CRACR2A: variants seen among roughly 807,000 people sequenced by gnomAD.
CRACR2A encodes calcium release activated channel regulator 2A, also known as EF-hand calcium-binding domain-containing protein 4B.
Under a neutral mutation model 90.5 loss-of-function variants are expected in CRACR2A, and 79 were observed. That is an observed-to-expected ratio of 0.87 (90% confidence interval 0.73 to 1.05). The LOEUF (loss-of-function observed/expected upper bound fraction) is 1.05, where lower values mean the gene tolerates loss of function less well. CRACR2A is among the 50% of genes least tolerant of loss of function. The pLI is 0.00. For missense variants in CRACR2A, 823 were observed against 897.2 expected (o/e 0.92, Z 1.06); for synonymous variants, 338 against 356.7 (o/e 0.95, Z 0.59).
chr12:3,653,102 C>T (rs1555109544), intron 10 of CRACR2A, among the ~76,000 whole-genome samples: 1 of 152,156 alleles, frequency 6.6e-6, no homozygotes, highest in Non-Finnish European at 1.5e-5. Flanking sequence ...CCTGCCTCAG[C>T]CTCCCGAGTA....
At chr12:3,635,626 C>T (rs966996416) in intron 14 of CRACR2A, among the ~76,000 whole-genome samples, 10 of 152,126 alleles carry the variant, frequency 6.6e-5, no homozygotes, top group Non-Finnish European at 1.0e-4. Context: ...CTGCCTCAGC[C>T]CCTGGAGTAG....
chr12:3,697,810 T>C (rs1945768507), intron 3 of CRACR2A, among the ~76,000 whole-genome samples: 1 of 152,178 alleles, frequency 6.6e-6, no homozygotes, highest in Non-Finnish European at 1.5e-5. Flanking sequence ...CCAGGCCTGG[T>C]TTGGTGACAC....
intron 7 of CRACR2A, among the ~76,000 whole-genome samples, chr12:3,662,956 T>A (rs1045223257): frequency 6.6e-6 from 1 of 152,256 alleles, no homozygotes; most frequent in Non-Finnish European, 1.5e-5. Context: ...CTAATGCATA[T>A]AAATGGACTT....
chr12:3,657,986 T>A (rs1299293347), intron 8 of CRACR2A, among the ~76,000 whole-genome samples: 1 of 152,204 alleles, frequency 6.6e-6, no homozygotes, highest in Non-Finnish European at 1.5e-5. Flanking sequence ...CCACTATCCT[T>A]GATCTATCTC....
chr12:3,627,136 G>A (rs892955488), intron 17 of CRACR2A, among the ~76,000 whole-genome samples: 1 of 152,164 alleles, frequency 6.6e-6, no homozygotes, highest in African/African-American at 2.4e-5. Flanking sequence ...CCCCAATCCA[G>A]TCCCACTCAA....
chr12:3,638,397 C>T lies in CRACR2A; in HGVS notation c.1329G>A (p.Leu443=). The change falls in exon 14 of 20, where the codon CTG becomes CTA. Residue 443 remains leucine (L), a synonymous_variant. Transcript: ENST00000440314. The part of the protein sequence containing the change: ...FGIPRRSSLG[L]SGYPLTEEEP... Reference sequence around the variant, plus strand: ...CCTCTTCTGTTAGGGGATATCCACTCAGGCCCAGGGAGCTTCTCCTTGGGA... The same window carrying T: ...CCTCTTCTGTTAGGGGATATCCACTTAGGCCCAGGGAGCTTCTCCTTGGGA... The T allele has an allele frequency of 6.4e-7, 1 of 1,551,572 alleles. No homozygotes were observed. Among genetic ancestry groups the T allele is most frequent in the South Asian group, 1.2e-5 (1 of 84,066 alleles).
intron 2 of CRACR2A, among the ~76,000 whole-genome samples, chr12:3,718,245 C>T (rs141872811): frequency 3.0e-3 from 462 of 152,328 alleles, no homozygotes; most frequent in African/African-American, 9.9e-3. Context: ...GTTGTTCCCT[C>T]GCCTGAACCC....
Position 3,633,386 on chromosome 12 carries a change from A to G in CRACR2A, c.1735+218T>C, listed in dbSNP as rs1306421428. ...TTACAAAGTACTCAGGGGTCCCATCACACACAGGATGAGCTTAGCAGCTAG... is the reference window on the plus strand; with the variant it reads ...TTACAAAGTACTCAGGGGTCCCATCGCACACAGGATGAGCTTAGCAGCTAG... On this transcript the variant is annotated intron_variant, in intron 15 of 19. Transcript: ENST00000440314. This position sits in a 1 kb window ranked among gnomAD's most constrained non-coding sequence, Gnocchi z 4.5. Among the ~76,000 whole-genome samples the G allele has an allele frequency of 2.0e-5, 3 of 152,166 alleles. No homozygotes were observed. Among genetic ancestry groups the G allele is most frequent in the African/African-American group, 7.2e-5 (3 of 41,428 alleles).
chr12:3,689,185 T>G (rs1945613059), intron 4 of CRACR2A, among the ~76,000 whole-genome samples: 1 of 152,182 alleles, frequency 6.6e-6, no homozygotes, highest in South Asian at 2.1e-4. Flanking sequence ...GTGCTTTATT[T>G]CTTTCTTTTG....
intron 4 of CRACR2A, among the ~76,000 whole-genome samples, chr12:3,685,549 C>T (rs1465292649): frequency 6.6e-6 from 1 of 152,202 alleles, no homozygotes; most frequent in African/African-American, 2.4e-5. Context: ...GAATATTATT[C>T]AGCCTTTAAA....
intron 15 of CRACR2A, among the ~76,000 whole-genome samples, chr12:3,627,947 A>G (rs1258218930): frequency 6.6e-6 from 1 of 151,576 alleles, no homozygotes; most frequent in Non-Finnish European, 1.5e-5. Flanking sequence ...AAATCACTTA[A>G]CCACTCTGAA....
intron 7 of CRACR2A, among the ~76,000 whole-genome samples, chr12:3,670,523 T>A (rs1366609661): frequency 6.6e-6 from 1 of 152,190 alleles, no homozygotes; most frequent in Non-Finnish European, 1.5e-5. Flanking sequence ...CCCATTTTCA[T>A]ATCCTATACC....
chr12:3,707,441 C>G (rs1323461125), intron 3 of CRACR2A, among the ~76,000 whole-genome samples: 1 of 152,216 alleles, frequency 6.6e-6, no homozygotes, highest in East Asian at 1.9e-4. Context: ...GCTGTTCACC[C>G]TAATTCCTTC....
rs1181759904 is a variant in CRACR2A, at chr12:3,659,665, G to A, written c.672-11C>T. The A allele has an allele frequency of 1.9e-6, 3 of 1,612,104 alleles. No homozygotes were observed. The highest frequency in any genetic ancestry group is 3.3e-5 in the Admixed American group (2 of 59,992). ...TAAGCAGCAATTTTCCTACAGAGGT[G>A]GCAAAAGGAGAGTCTCATTGAGGTT... is the stretch of plus-strand genomic sequence containing the variant. On this transcript the variant is annotated splice_polypyrimidine_tract_variant and intron_variant, in intron 7 of 19. Coordinates refer to ENST00000440314, the MANE Select transcript of CRACR2A (RefSeq NM_001144958.2).
intron 1 of CRACR2A, among the ~76,000 whole-genome samples, chr12:3,736,414 A>G (rs976120219): frequency 6.6e-6 from 1 of 152,014 alleles, no homozygotes; most frequent in Non-Finnish European, 1.5e-5. Flanking sequence ...TTGGCAAGGA[A>G]GAGAATTAGT....
At chr12:3,685,978 C>A (rs1156563533) in intron 4 of CRACR2A, among the ~76,000 whole-genome samples, 1 of 152,134 alleles carries the variant, frequency 6.6e-6, no homozygotes, top group Non-Finnish European at 1.5e-5. Context: ...CAGTGCATTT[C>A]CAGGGATTTC....
intron 6 of CRACR2A, 145 bp downstream of exon 6, chr12:3,678,769 TG>T: frequency 1.4e-6 from 1 of 732,588 alleles, no homozygotes; most frequent in Non-Finnish European, 2.1e-6. Context: ...AGGCCCCCAC[TG>T]GCAGAACCAG....
At chr12:3,729,677 T>G (rs964563985) in intron 2 of CRACR2A, 3 of 152,220 alleles carry the variant, frequency 2.0e-5, no homozygotes, top group African/African-American at 7.2e-5. Flanking sequence ...CATTCCAGCC[T>G]GGGTGACAGA....
At chr12:3,683,013 C>T (rs1332067878) in intron 4 of CRACR2A, among the ~76,000 whole-genome samples, 5 of 152,160 alleles carry the variant, frequency 3.3e-5, no homozygotes, top group Non-Finnish European at 7.4e-5. Context: ...GAACTCCTGA[C>T]CTTGTGATCC....
Sources: allele counts gnomAD v4.1 joint callset (sites outside exome capture counted in the v4.1 genomes callset), GRCh38; gene constraint gnomAD v4.1.1; non-coding constraint Gnocchi (gnomAD v3.1); transcripts MANE v1.5; gene names NCBI Gene and HGNC (gene_info 2026-07-23, HGNC 2026-07-21).